Variants in NOTCH2NLC observed in about 807,000 individuals in gnomAD.
NOTCH2NLC encodes notch 2 N-terminal like C.
In NOTCH2NLC, 4 loss-of-function variants were observed where a neutral mutation model predicts 17.7. The ratio of observed to expected loss-of-function variants is 0.23; its 90% CI spans 0.11 to 0.52. NOTCH2NLC has a LOEUF of 0.52. Ranked by LOEUF, NOTCH2NLC falls within the 20% of genes least tolerant of loss-of-function variation. The pLI is 0.96. For synonymous variants in NOTCH2NLC, 18 were observed against 86.0 expected (o/e 0.21, Z 4.38); for missense variants, 57 against 207.2 (o/e 0.28, Z 4.45).
chr1:149,393,048 C>T (rs1394666964), intron 1 of NOTCH2NLC, among the ~76,000 whole-genome samples: 42 of 119,654 alleles, frequency 3.5e-4, no homozygotes, highest in African/African-American at 1.4e-3. Flanking sequence ...CCAGCCTGGG[C>T]GACAGAGCGA....
At chr1:149,430,771 GC>G (rs1415707593) in intron 1 of NOTCH2NLC, among the ~76,000 whole-genome samples, 170 bp from the exon 2 acceptor site, 2 of 148,644 alleles carry the variant, frequency 1.3e-5, no homozygotes, top group African/African-American at 5.0e-5. Context: ...TTTGGGATGG[GC>G]TTCTGTGCTA....
rs1356907519 is a variant in NOTCH2NLC, at chr1:149,457,731, C to T, written c.469+2154C>T. Among the ~76,000 whole-genome samples, 1,058 of 132,726 alleles carry T rather than the reference C, an allele frequency of 8.0e-3. 28 individuals are homozygous for T. The highest frequency in any genetic ancestry group is 0.023 in the South Asian group (89 of 3,790). The allele number at this position is 132,726 out of a possible 152,430, so 87.1% of individuals were successfully genotyped here. A position where few individuals can be genotyped will look rare whatever the true frequency, so the allele number is the denominator to read the frequency against. On this transcript the variant is annotated intron_variant, in intron 3 of 4. Transcript: ENST00000650865. ...AAAGATGTAGGCTGGGAGGCTAGGC[C>T]AGTCTCGCTTTTTCATGTTTTTCTG...
At chr1:149,400,137 A>ATTT (rs2084235400) in intron 1 of NOTCH2NLC, among the ~76,000 whole-genome samples, 22 of 141,398 alleles carry the variant, frequency 1.6e-4, no homozygotes, top group Non-Finnish European at 2.8e-4. Flanking sequence ...TATATAATAT[A>ATTT]TATTTTTTTT....
chr1:149,400,273 A>G (rs1295141941), intron 1 of NOTCH2NLC, among the ~76,000 whole-genome samples: 1 of 136,432 alleles, frequency 7.3e-6, no homozygotes, highest in Non-Finnish European at 1.6e-5. Context: ...TAATCTTAAT[A>G]TGCCTCTCTC....
At chr1:149,445,105 A>C (rs2084541690) in intron 2 of NOTCH2NLC, among the ~76,000 whole-genome samples, 1 of 128,932 alleles carries the variant, frequency 7.8e-6, no homozygotes, top group Non-Finnish European at 1.7e-5. Flanking sequence ...AGCATAACCT[A>C]GTTAGTTACC....
chr1:149,427,094 A>G lies in NOTCH2NLC; in HGVS notation c.136-3848A>G, dbSNP rs1271021193. Among the ~76,000 whole-genome samples the G allele has an allele frequency of 4.0e-5, 6 of 151,432 alleles. 1 individual carries two copies. Among genetic ancestry groups the G allele is most frequent in the Non-Finnish European group, 8.9e-5 (6 of 67,750 alleles). ...TAATTTGCTAATACAATGTAGAACA[A>G]TTAAAAGGTAGTTAGTATATCCTTC... On this transcript the variant is annotated intron_variant, in intron 1 of 4. Transcript: ENST00000650865.
chr1:149,460,881 T>TTC (rs2084643314), intron 3 of NOTCH2NLC, among the ~76,000 whole-genome samples: 1 of 127,968 alleles, frequency 7.8e-6, no homozygotes, highest in Admixed American at 7.8e-5. Flanking sequence ...CTTTCTTTCT[T>TTC]TCTTTCTTTC....
At chr1:149,462,029 G>A in intron 3 of NOTCH2NLC, among the ~76,000 whole-genome samples, 1 of 134,744 alleles carries the variant, frequency 7.4e-6, no homozygotes, top group Non-Finnish European at 1.6e-5. Context: ...TGTACCTAAT[G>A]TAAATGACGA....
intron 2 of NOTCH2NLC, among the ~76,000 whole-genome samples, chr1:149,454,440 TACAC>T (rs1266595656): frequency 0.15 from 18,012 of 123,846 alleles, 1,897 homozygotes; most frequent in Non-Finnish European, 0.2. Flanking sequence ...TCATAAATAA[TACAC>T]ACAGTTTGAA....
chr1:149,439,743 A>G (rs1420888802), intron 2 of NOTCH2NLC, among the ~76,000 whole-genome samples: 3 of 150,370 alleles, frequency 2.0e-5, no homozygotes, highest in South Asian at 2.1e-4. Flanking sequence ...TAAAATTTCT[A>G]TTGGATTTCC....
chr1:149,421,520 A>G (rs2084379676), intron 1 of NOTCH2NLC, among the ~76,000 whole-genome samples: 2 of 143,278 alleles, frequency 1.4e-5, no homozygotes, highest in Admixed American at 1.4e-4. Context: ...AAAAAAAAAA[A>G]GCTTTAAAAA....
At chr1:149,413,850 G>A (rs1426304640) in intron 1 of NOTCH2NLC, among the ~76,000 whole-genome samples, 1 of 151,210 alleles carries the variant, frequency 6.6e-6, no homozygotes, top group South Asian at 2.1e-4. Context: ...GCATGGTGAG[G>A]TGATGATACA....
intron 1 of NOTCH2NLC, among the ~76,000 whole-genome samples, chr1:149,427,467 A>G (rs1386086420): frequency 4.3e-4 from 55 of 127,524 alleles, no homozygotes; most frequent in Non-Finnish European, 2.0e-4. Context: ...GTTGAATAGT[A>G]TTCCATTGTA....
chr1:149,432,528 A>C lies in NOTCH2NLC; in HGVS notation c.209+1513A>C, dbSNP rs1284997066. On this transcript the variant is annotated intron_variant, in intron 2 of 4. Transcript: ENST00000650865. ...GAGATACAACTGGAGATAATAAGGG[A>C]GGGAACTTAATACCTTAGAGTAGGC... 7.1e-3 allele frequency among the ~76,000 whole-genome samples: 1,072 copies of C among 151,126 alleles called. 31 individuals carry two copies. Among genetic ancestry groups the C allele is most frequent in the Admixed American group, 0.011 (172 of 15,156 alleles).
intron 1 of NOTCH2NLC, among the ~76,000 whole-genome samples, chr1:149,419,002 TCCTTCCTCTCTCTTTCCCTTTC>T (rs1390815108): frequency 3.3e-5 from 5 of 150,624 alleles, no homozygotes; most frequent in African/African-American, 1.2e-4. Flanking sequence ...TTCTTTTGCT[TCCTTCCTCTCTCTTTCCCTTTC>T]CCTTCCTCTC....
chr1:149,435,908 CA>C (rs1178242288), intron 2 of NOTCH2NLC, among the ~76,000 whole-genome samples: 2 of 149,942 alleles, frequency 1.3e-5, no homozygotes, highest in Admixed American at 6.7e-5. Context: ...TAAAAAAAAA[CA>C]AAAACAAAAC....
chr1:149,448,574 C>G lies in NOTCH2NLC; in HGVS notation c.210-6744C>G. On this transcript the variant is annotated intron_variant, in intron 2 of 4. Coordinates refer to ENST00000650865, the MANE Select transcript of NOTCH2NLC (RefSeq NM_001364013.2). ...GTGGCTTCTAAAAAAGTACACATATCCATTGGGTATGAGTCGGAGCATTAT... is the reference window on the plus strand; with the variant it reads ...GTGGCTTCTAAAAAAGTACACATATGCATTGGGTATGAGTCGGAGCATTAT... Among the ~76,000 whole-genome samples, 2 of 147,956 alleles carry G rather than the reference C, an allele frequency of 1.4e-5. 1 individual carries two copies. The highest frequency in any genetic ancestry group is 3.0e-5 in the Non-Finnish European group (2 of 66,520).
chr1:149,463,186 G>T (rs1335403991), intron 3 of NOTCH2NLC, among the ~76,000 whole-genome samples: 1 of 150,604 alleles, frequency 6.6e-6, no homozygotes, highest in Non-Finnish European at 1.5e-5. Context: ...CTCTGAGAGA[G>T]TAGATGGATC....
rs2084197667 is a variant in NOTCH2NLC at position 149,395,088 on chromosome 1, G to T, written c.135+4166G>T. Among the ~76,000 whole-genome samples the T allele has an allele frequency of 6.0e-5, 9 of 150,906 alleles. 2 individuals are homozygous for T. In the South Asian group the frequency reaches 1.9e-3, roughly 32 times the overall value. ...CAGTGCCTCATTCACTGTCCACATT[G>T]CTTCCATCTCATGTACAAATGCGCT... On this transcript the variant is annotated intron_variant, in intron 1 of 4. Coordinates refer to ENST00000650865, the MANE Select transcript of NOTCH2NLC (RefSeq NM_001364013.2).
Sources: allele counts gnomAD v4.1 joint callset (sites outside exome capture counted in the v4.1 genomes callset), GRCh38; gene constraint gnomAD v4.1.1; transcripts MANE v1.5; gene names NCBI Gene and HGNC (gene_info 2026-07-23, HGNC 2026-07-21).